The following ANO6 variants were observed in gnomAD, a reference collection of about 807,000 sequenced individuals.
The protein encoded by ANO6 is anoctamin-6.
In ANO6, 106 loss-of-function variants were observed where a neutral mutation model predicts 117.5. The ratio of observed to expected loss-of-function variants is 0.90; its 90% CI spans 0.77 to 1.06. The LOEUF is 1.06. Among genes scored for constraint, ANO6 ranks in the 50% least tolerant of loss-of-function variants. The pLI, the probability that ANO6 is intolerant of heterozygous loss-of-function variation, is 0.00. For missense variants in ANO6, 955 were observed against 1,121.1 expected (o/e 0.85, Z 2.12); for synonymous variants, 367 against 385.1 (o/e 0.95, Z 0.55).
At chr12:45,324,094 C>T (rs369124093) in intron 2 of ANO6, among the ~76,000 whole-genome samples, 1 of 151,852 alleles carries the variant, frequency 6.6e-6, no homozygotes, top group African/African-American at 2.4e-5. Flanking sequence ...TGCACCACCA[C>T]GCCTGGCTAA....
Position 45,401,853 on chromosome 12 carries a change from T to C in ANO6, c.1445T>C (p.Ile482Thr), listed in dbSNP as rs1565753293. ...GIIVYRLSVF[I>T]VFSAKLPKNI... ...ATTGTCTATAGGCTCTCGGTGTTCA[T>C]TGTATTTTCTGCAAAACTTCCCAAG... The change falls in exon 13 of 20, where the codon ATT (isoleucine) becomes ACT (threonine). Residue 482 changes from isoleucine to threonine, a missense_variant. Physicochemically the swap from Ile to Thr is moderately conservative, Grantham distance 89 (BLOSUM62 -1). Coordinates refer to ENST00000320560, the MANE Select transcript of ANO6 (RefSeq NM_001025356.3). The C allele has an allele frequency of 6.2e-7, 1 of 1,614,068 alleles. No homozygotes were observed. Among genetic ancestry groups the C allele is most frequent in the East Asian group, 2.2e-5 (1 of 44,872 alleles).
At chr12:45,219,291 T>G (rs1947361269) in intron 1 of ANO6, among the ~76,000 whole-genome samples, 1 of 152,182 alleles carries the variant, frequency 6.6e-6, no homozygotes, top group Non-Finnish European at 1.5e-5. Flanking sequence ...TTAGAGCCTT[T>G]TAAACAGTGG....
chr12:45,308,031 C>CTGTG (rs530448808), intron 2 of ANO6, among the ~76,000 whole-genome samples: 1,957 of 117,732 alleles, frequency 0.017, 41 homozygotes, highest in East Asian at 0.089. Context: ...GTGTGTGTGT[C>CTGTG]TGTGTGTGTG....
chr12:45,277,309 T>C (rs1938585773), intron 1 of ANO6, among the ~76,000 whole-genome samples: 1 of 152,246 alleles, frequency 6.6e-6, no homozygotes, highest in Non-Finnish European at 1.5e-5. Flanking sequence ...ACTGATATTA[T>C]TAGTTTTTCA....
chr12:45,329,597 C>T (rs1309117173), intron 2 of ANO6, among the ~76,000 whole-genome samples: 4 of 152,132 alleles, frequency 2.6e-5, no homozygotes, highest in African/African-American at 9.7e-5. Flanking sequence ...CAGAACTTAA[C>T]TTCCGTGAGC....
intron 6 of ANO6, among the ~76,000 whole-genome samples, chr12:45,350,060 T>C (rs754049857): frequency 1.3e-5 from 2 of 152,098 alleles, no homozygotes; most frequent in Non-Finnish European, 2.9e-5. Flanking sequence ...GGTAATCTGG[T>C]TCTAGTGCCA....
chr12:45,383,651 G>T (rs1942223354), intron 10 of ANO6, among the ~76,000 whole-genome samples: 1 of 152,184 alleles, frequency 6.6e-6, no homozygotes, highest in South Asian at 2.1e-4. Flanking sequence ...GAGTTCTTGG[G>T]TGAGTGGATG....
chr12:45,274,724 C>T (rs1176354363), intron 1 of ANO6, among the ~76,000 whole-genome samples: 1 of 151,324 alleles, frequency 6.6e-6, no homozygotes, highest in Non-Finnish European at 1.5e-5. Flanking sequence ...TCTCTTCCTG[C>T]TCTGCGTGTC....
At chr12:45,318,913 CTCTG>C (rs1275182328) in intron 2 of ANO6, among the ~76,000 whole-genome samples, 2 of 151,910 alleles carry the variant, frequency 1.3e-5, no homozygotes. Flanking sequence ...TGATTTGGCT[CTCTG>C]TCTGTTATTG....
intron 1 of ANO6, among the ~76,000 whole-genome samples, chr12:45,255,816 G>T (rs1403745153): frequency 9.0e-5 from 9 of 100,226 alleles, no homozygotes; most frequent in Non-Finnish European, 1.6e-4. Flanking sequence ...TTCTCCCTGG[G>T]TGTTTTTTTT....
In ANO6 at chr12:45,432,117, T is replaced by C; in HGVS notation, c.*2806T>C. 2.0e-6 allele frequency: 2 copies of C among 985,446 alleles called. No individual in the cohort carries two copies. Among genetic ancestry groups the C allele is most frequent in the Non-Finnish European group, 2.4e-6 (2 of 829,932 alleles). 61.0% of individuals were successfully genotyped at this position (985,446 alleles called of 1,614,324 possible). On this transcript the variant is annotated 3_prime_UTR_variant, in exon 20 of 20. Coordinates refer to ENST00000320560, the MANE Select transcript of ANO6 (RefSeq NM_001025356.3). ...TGTACTCTTGTTGAAACACTTCTTG[T>C]ACCATTTTATGTTCATATTATGTTT...
intron 3 of ANO6, 82 bp downstream of exon 3, chr12:45,331,505 G>A (rs1309419913): frequency 1.6e-6 from 2 of 1,243,340 alleles, no homozygotes; most frequent in South Asian, 1.4e-5. Flanking sequence ...AAGTAATAAA[G>A]TGAAACTGAT....
intron 1 of ANO6, among the ~76,000 whole-genome samples, chr12:45,281,514 C>T (rs543430958): frequency 6.6e-6 from 1 of 152,246 alleles, no homozygotes; most frequent in Admixed American, 6.5e-5. Context: ...GGCAGCATGT[C>T]CCATAGCGAG....
At chr12:45,270,473 G>A (rs1372114010) in intron 1 of ANO6, 1 of 1,515,770 alleles carries the variant, frequency 6.6e-7, no homozygotes, top group Non-Finnish European at 8.8e-7. Flanking sequence ...TGATGTTCCT[G>A]CCTCCAGGAG....
chr12:45,278,104 A>G (rs1477741124), intron 1 of ANO6, among the ~76,000 whole-genome samples: 1 of 151,908 alleles, frequency 6.6e-6, no homozygotes, highest in Non-Finnish European at 1.5e-5. Flanking sequence ...GACTATATGC[A>G]TGCACCACAC....
At chr12:45,329,167 A>G (rs1219286738) in intron 2 of ANO6, among the ~76,000 whole-genome samples, 1 of 152,206 alleles carries the variant, frequency 6.6e-6, no homozygotes, top group Non-Finnish European at 1.5e-5. Context: ...TCTTGGACAA[A>G]TAATTTAACT....
intron 19 of ANO6, among the ~76,000 whole-genome samples, chr12:45,428,366 G>A (rs572685675): frequency 8.5e-5 from 13 of 152,264 alleles, no homozygotes; most frequent in South Asian, 6.2e-4. Flanking sequence ...TAATCCTAGC[G>A]CTTTGGAAGG....
chr12:45,277,698 GT>G (rs1447352060), intron 1 of ANO6, among the ~76,000 whole-genome samples: 3 of 152,128 alleles, frequency 2.0e-5, no homozygotes, highest in African/African-American at 7.2e-5. Context: ...GCTTGACTAA[GT>G]ATATAATTCA....
At chr12:45,251,064 CA>C (rs963006689) in intron 1 of ANO6, among the ~76,000 whole-genome samples, 35 of 130,678 alleles carry the variant, frequency 2.7e-4, no homozygotes, top group Admixed American at 3.2e-4. Context: ...GACCCTGTCT[CA>C]AAAAAAAAAG....
Sources: allele counts gnomAD v4.1 joint callset (sites outside exome capture counted in the v4.1 genomes callset), GRCh38; gene constraint gnomAD v4.1.1; transcripts MANE v1.5; gene names NCBI Gene and HGNC (gene_info 2026-07-23, HGNC 2026-07-21).